Variants in MYH9 observed in about 807,000 individuals in gnomAD.
MYH9 encodes myosin-9.
Under a neutral mutation model 241.9 loss-of-function variants are expected in MYH9, and 29 were observed. The ratio of observed to expected loss-of-function variants is 0.12; its 90% CI spans 0.09 to 0.16. The LOEUF (loss-of-function observed/expected upper bound fraction) is 0.16, where lower values mean the gene tolerates loss of function less well. Among genes scored for constraint, MYH9 ranks in the 10% least tolerant of loss-of-function variants. MYH9 has a pLI of 1.00. For synonymous variants in MYH9, 1,047 were observed against 1,062.6 expected, an observed-to-expected ratio of 0.99 and a Z score of 0.29; for missense variants, 1,803 against 2,595.5, an observed-to-expected ratio of 0.69 and a Z score of 6.63.
At position 36,327,253 on chromosome 22, in the gene MYH9, G is replaced by C. The variant is rs140820313; in HGVS notation, c.518+208C>G. On this transcript the variant is annotated intron_variant, in intron 4 of 40. Coordinates refer to ENST00000216181, the MANE Select transcript of MYH9 (RefSeq NM_002473.6). ...CCTTCCCACTGGCTCCTTGAGGAAGGATGATTGAAATTGAGCTCATCCATG... is the reference window on the plus strand; with the variant it reads ...CCTTCCCACTGGCTCCTTGAGGAAGCATGATTGAAATTGAGCTCATCCATG... Among the ~76,000 whole-genome samples, 484 of 152,306 alleles carry C rather than the reference G, an allele frequency of 3.2e-3. 3 individuals carry two copies. Among genetic ancestry groups the C allele is most frequent in the African/African-American group, 0.011 (457 of 41,570 alleles).
At chr22:36,376,764 C>G (rs191901912) in intron 1 of MYH9, among the ~76,000 whole-genome samples, 1 of 152,158 alleles carries the variant, frequency 6.6e-6, no homozygotes, top group Non-Finnish European at 1.5e-5. Flanking sequence ...CTGTCGCAGG[C>G]TTAGAACTGA....
At chr22:36,294,469 T>C (rs557977348) in intron 27 of MYH9, among the ~76,000 whole-genome samples, 171 bp from the exon 28 acceptor site, 5 of 152,304 alleles carry the variant, frequency 3.3e-5, no homozygotes, top group South Asian at 4.1e-4. Flanking sequence ...TCCTCTTCTC[T>C]CTTAGCTGGT....
intron 15 of MYH9, among the ~76,000 whole-genome samples, chr22:36,307,749 G>A (rs541261103): frequency 3.0e-4 from 45 of 152,240 alleles, no homozygotes; most frequent in African/African-American, 8.7e-4. Flanking sequence ...TTAGCTGGGC[G>A]TGGTGGCGGG....
intron 31 of MYH9, among the ~76,000 whole-genome samples, chr22:36,291,085 G>A (rs1189194249): frequency 1.9e-4 from 27 of 145,654 alleles, no homozygotes; most frequent in Non-Finnish European, 3.2e-4. Flanking sequence ...CAGGCCAGCC[G>A]CCCCGTCCGG....
chr22:36,308,137 A>G (rs1042474756), intron 15 of MYH9, among the ~76,000 whole-genome samples: 4 of 152,292 alleles, frequency 2.6e-5, no homozygotes, highest in Admixed American at 2.0e-4. Flanking sequence ...TTTCAGGTGC[A>G]CAGACACAGC....
At position 36,379,728 on chromosome 22, in the gene MYH9, C is replaced by A. The variant is rs535283233; in HGVS notation, c.-20+8079G>T. Among the ~76,000 whole-genome samples the A allele has an allele frequency of 1.7e-3, 258 of 152,284 alleles. 1 individual carries two copies. The highest frequency in any genetic ancestry group is 3.0e-3 in the Non-Finnish European group (206 of 68,022). ...TGCACGGCAGGAAGCCACACCCTTC[C>A]GGAAGGCCCTGCAAAGGCTCCTTCC... On this transcript the variant is annotated intron_variant, in intron 1 of 40. Coordinates refer to ENST00000216181, the MANE Select transcript of MYH9 (RefSeq NM_002473.6).
At chr22:36,366,967 T>C (rs1412581823) in intron 1 of MYH9, among the ~76,000 whole-genome samples, 1 of 152,118 alleles carries the variant, frequency 6.6e-6, no homozygotes, top group East Asian at 1.9e-4. Context: ...AACCCAAAGC[T>C]TCTATTTGTC....
chr22:36,332,941 A>C (rs2017447119), intron 3 of MYH9, among the ~76,000 whole-genome samples: 1 of 152,070 alleles, frequency 6.6e-6, no homozygotes, highest in Non-Finnish European at 1.5e-5. Flanking sequence ...ACGAGTGCTG[A>C]CCACCCACAG....
intron 12 of MYH9, 147 bp downstream of exon 12, chr22:36,316,369 CA>C (rs2017152204): frequency 9.5e-7 from 1 of 1,054,760 alleles, no homozygotes; most frequent in Non-Finnish European, 1.4e-6. Flanking sequence ...AAAAAAAAAA[CA>C]ACCCCACACC....
rs769284029 is a variant in MYH9 at position 36,298,944 on chromosome 22, A to C, written c.3075T>G (p.His1025Gln). 5 of 1,613,994 alleles carry C rather than the reference A, an allele frequency of 3.1e-6. No individual in the cohort carries two copies. The Admixed American group carries it at 8.3e-5, about 27-fold the overall frequency. ...SKSLAKLKNK[H>Q]EAMITDLEER... ...CTTCCAAGTCAGTGATCATTGCCTC[A>C]TGCTTGTTCTTGAGCTTGGCGAGGC... Residue 1025 changes from histidine to glutamine, a missense_variant, in exon 24 of 41, where the codon CAT becomes CAG. Physicochemically the swap from His to Gln is conservative, Grantham distance 24. Transcript: ENST00000216181.
At position 36,293,649 on chromosome 22, in the gene MYH9, G is replaced by T; in HGVS notation, c.3942+110C>A. 1 of 1,322,254 alleles carries T rather than the reference G, an allele frequency of 7.6e-7. No individual in the cohort carries two copies. Among genetic ancestry groups the T allele is most frequent in the South Asian group, 1.2e-5 (1 of 83,380 alleles). The allele number at this position is 1,322,254 out of a possible 1,614,324, so 81.9% of individuals were successfully genotyped here. A position where few individuals can be genotyped will look rare whatever the true frequency, so the allele number is the denominator to read the frequency against. ...CGCAGAGACCCACCCACAGGATGAAGCAGATGAAGGAGAGGATGGGCAATC... is the reference window on the plus strand; with the variant it reads ...CGCAGAGACCCACCCACAGGATGAATCAGATGAAGGAGAGGATGGGCAATC... On this transcript the variant is annotated intron_variant, in intron 29 of 40. Transcript: ENST00000216181. The surrounding 1 kb of genome is among the most constrained non-coding windows in gnomAD (Gnocchi z 5.1).
chr22:36,306,119 AC>A lies in MYH9; in HGVS notation c.2038-69del, dbSNP rs1218305182. Reference sequence around the variant, plus strand: ...AGAACAGTCGGAGAATAGTCAGGGAACCCCTATGAACCTGACAGGGCAAGAG... The same window carrying A: ...AGAACAGTCGGAGAATAGTCAGGGAACCCTATGAACCTGACAGGGCAAGAG... On this transcript the variant is annotated intron_variant, in intron 16 of 40. Transcript: ENST00000216181. The surrounding 1 kb of genome is among the most constrained non-coding windows in gnomAD (Gnocchi z 4.1). The A allele has an allele frequency of 1.9e-6, 3 of 1,601,762 alleles. No homozygotes were observed. Among genetic ancestry groups the A allele is most frequent in the African/African-American group, 2.7e-5 (2 of 74,768 alleles).
intron 40 of MYH9, among the ~76,000 whole-genome samples, 193 bp from the exon 41 acceptor site, chr22:36,282,978 A>G (rs541872831): frequency 2.6e-5 from 4 of 152,350 alleles, no homozygotes; most frequent in African/African-American, 7.2e-5. Flanking sequence ...AAGCAGGCAA[A>G]GCTTCCCGCA....
intron 2 of MYH9, among the ~76,000 whole-genome samples, chr22:36,348,642 A>G (rs988007647): frequency 6.6e-6 from 1 of 152,178 alleles, no homozygotes; most frequent in Admixed American, 6.5e-5. Flanking sequence ...AGACAGGGCC[A>G]TATTCTTCTC....
intron 31 of MYH9, among the ~76,000 whole-genome samples, chr22:36,289,660 C>A (rs189084645): frequency 6.6e-6 from 1 of 152,300 alleles, no homozygotes; most frequent in South Asian, 2.1e-4. Context: ...GCACTTTTCA[C>A]GAAGTGAATG....
chr22:36,355,019 G>A (rs568750123), intron 1 of MYH9, among the ~76,000 whole-genome samples: 8 of 124,340 alleles, frequency 6.4e-5, no homozygotes, highest in African/African-American at 1.2e-4. Flanking sequence ...GATCTCCGTG[G>A]CTCAGAAAGT....
At chr22:36,327,375 C>T in intron 4 of MYH9, 86 bp downstream of exon 4, 2 of 1,508,508 alleles carry the variant, frequency 1.3e-6, no homozygotes, top group Middle Eastern at 1.7e-4. Context: ...ACTCTGCAAG[C>T]CCCAGTTGTG....
chr22:36,371,152 T>C (rs1253343861), intron 1 of MYH9, among the ~76,000 whole-genome samples: 3 of 152,298 alleles, frequency 2.0e-5, no homozygotes, highest in South Asian at 4.1e-4. Context: ...CTGTTACAGA[T>C]TGAATTGTGT....
chr22:36,290,568 C>A (rs914213949), intron 31 of MYH9, among the ~76,000 whole-genome samples: 44 of 151,764 alleles, frequency 2.9e-4, no homozygotes, highest in Middle Eastern at 3.4e-3. Context: ...CCGGCCGCCA[C>A]CCCATCTGGG....
Sources: allele counts gnomAD v4.1 joint callset (sites outside exome capture counted in the v4.1 genomes callset), GRCh38; gene constraint gnomAD v4.1.1; non-coding constraint Gnocchi (gnomAD v3.1); transcripts MANE v1.5; gene names NCBI Gene and HGNC (gene_info 2026-07-23, HGNC 2026-07-21).